Variants in NRCAM observed in about 807,000 individuals in gnomAD.
The protein encoded by NRCAM is neuronal cell adhesion molecule, also known as NgCAM-related cell adhesion molecule.
Under a neutral mutation model 156.5 loss-of-function variants are expected in NRCAM, and 83 were observed. The ratio of observed to expected loss-of-function variants is 0.53; its 90% CI spans 0.44 to 0.64. NRCAM has a LOEUF of 0.64. NRCAM is among the 30% of genes least tolerant of loss of function. The pLI is 0.00. For synonymous variants in NRCAM, 538 were observed against 563.9 expected (o/e 0.95, Z 0.65); for missense variants, 1,417 against 1,597.3 (o/e 0.89, Z 1.92).
At chr7:108,440,461 C>CT (rs1837299722) in intron 1 of NRCAM, among the ~76,000 whole-genome samples, 3 of 152,104 alleles carry the variant, frequency 2.0e-5, no homozygotes, top group African/African-American at 7.2e-5. Context: ...CAACCATACC[C>CT]TTTATAATTT....
At chr7:108,391,523 T>C (rs1197749436) in intron 2 of NRCAM, among the ~76,000 whole-genome samples, 1 of 152,094 alleles carries the variant, frequency 6.6e-6, no homozygotes, top group Non-Finnish European at 1.5e-5. Context: ...CTTGACTCTT[T>C]ATCCAATTTG....
intron 29 of NRCAM, among the ~76,000 whole-genome samples, chr7:108,167,469 T>TGA (rs2055300580): frequency 6.6e-6 from 1 of 152,224 alleles, no homozygotes; most frequent in African/African-American, 2.4e-5. Context: ...TTTTTATGAT[T>TGA]CACAAGATGA....
chr7:108,163,562 C>CA (rs978399069), intron 30 of NRCAM, among the ~76,000 whole-genome samples: 1 of 152,078 alleles, frequency 6.6e-6, no homozygotes, highest in Non-Finnish European at 1.5e-5. Flanking sequence ...AGACAACTGA[C>CA]AAAAAAGCTG....
chr7:108,239,011 T>C (rs1332404530), intron 4 of NRCAM, among the ~76,000 whole-genome samples: 1 of 152,152 alleles, frequency 6.6e-6, no homozygotes, highest in Non-Finnish European at 1.5e-5. Flanking sequence ...CCTTGCACCT[T>C]GGAAAGCTTG....
chr7:108,428,261 C>T (rs1009126268), intron 1 of NRCAM, among the ~76,000 whole-genome samples: 1 of 151,966 alleles, frequency 6.6e-6, no homozygotes, highest in Non-Finnish European at 1.5e-5. Context: ...CTTTATTTTT[C>T]GCTAAAAATA....
intron 2 of NRCAM, among the ~76,000 whole-genome samples, chr7:108,340,908 C>G (rs769661249): frequency 6.6e-6 from 1 of 152,028 alleles, no homozygotes; most frequent in African/African-American, 2.4e-5. Context: ...ACTTGGCAAC[C>G]TTGGTTTTTC....
chr7:108,187,515 TC>T (rs2067698077), intron 20 of NRCAM, among the ~76,000 whole-genome samples: 1 of 152,224 alleles, frequency 6.6e-6, no homozygotes, highest in South Asian at 2.1e-4. Context: ...TTCACACTAT[TC>T]ACAATTATAC....
chr7:108,448,598 T>G (rs550906053), intron 1 of NRCAM, among the ~76,000 whole-genome samples: 12 of 152,138 alleles, frequency 7.9e-5, no homozygotes, highest in Non-Finnish European at 1.2e-4. Context: ...TTTCACTTAT[T>G]ATAATACATT....
chr7:108,181,783 C>G (rs367802263), intron 24 of NRCAM, 39 bp downstream of exon 24: 1 of 1,411,680 alleles, frequency 7.1e-7, no homozygotes, highest in Non-Finnish European at 1.0e-6. Context: ...CGCTGCAGCC[C>G]TTACTAAATA....
chr7:108,424,676 G>A (rs1395307803), intron 1 of NRCAM, among the ~76,000 whole-genome samples: 1 of 152,120 alleles, frequency 6.6e-6, no homozygotes, highest in Non-Finnish European at 1.5e-5. Flanking sequence ...AGTCATTTCA[G>A]TGAAATTGAA....
chr7:108,171,125 G>C (rs1467713420), intron 28 of NRCAM, among the ~76,000 whole-genome samples: 2 of 152,096 alleles, frequency 1.3e-5, no homozygotes, highest in Non-Finnish European at 2.9e-5. Context: ...CTCACTCACA[G>C]AGCACCTATT....
intron 30 of NRCAM, among the ~76,000 whole-genome samples, chr7:108,164,178 G>A (rs2051832397): frequency 7.6e-6 from 1 of 132,146 alleles, no homozygotes; most frequent in South Asian, 2.6e-4. Flanking sequence ...GTGGGGTGGG[G>A]TAATGAGAGG....
At chr7:108,325,464 T>A (rs1023840065) in intron 2 of NRCAM, among the ~76,000 whole-genome samples, 1 of 152,128 alleles carries the variant, frequency 6.6e-6, no homozygotes, top group Non-Finnish European at 1.5e-5. Flanking sequence ...ATCTTGGAGT[T>A]CCAATCTGTT....
intron 3 of NRCAM, among the ~76,000 whole-genome samples, chr7:108,301,934 T>TG (rs2098629145): frequency 6.6e-6 from 1 of 152,122 alleles, no homozygotes; most frequent in Non-Finnish European, 1.5e-5. Context: ...TAGGGTTAAA[T>TG]GCCTTTCATC....
At chr7:108,323,156 G>A (rs750500712) in intron 2 of NRCAM, among the ~76,000 whole-genome samples, 13 of 152,152 alleles carry the variant, frequency 8.5e-5, no homozygotes, top group African/African-American at 1.7e-4. Context: ...TAATACAAGC[G>A]CCCTCTGACC....
intron 1 of NRCAM, among the ~76,000 whole-genome samples, chr7:108,423,814 G>C (rs924920795): frequency 6.6e-6 from 1 of 152,160 alleles, no homozygotes; most frequent in Admixed American, 6.5e-5. Flanking sequence ...GCAGGGCTAG[G>C]GCCCCCACCT....
At chr7:108,442,195 G>T (rs900098989) in intron 1 of NRCAM, among the ~76,000 whole-genome samples, 1 of 152,186 alleles carries the variant, frequency 6.6e-6, no homozygotes, top group Non-Finnish European at 1.5e-5. Flanking sequence ...TATGATCACA[G>T]GATGTGATGT....
chr7:108,435,044 A>AC (rs59651572), intron 1 of NRCAM, among the ~76,000 whole-genome samples: 1 of 151,616 alleles, frequency 6.6e-6, no homozygotes, highest in Non-Finnish European at 1.5e-5. Context: ...GAAAAAAAAA[A>AC]CTATCAATAG....
intron 5 of NRCAM, among the ~76,000 whole-genome samples, chr7:108,235,942 A>G (rs1333738602): frequency 6.6e-6 from 1 of 152,228 alleles, no homozygotes; most frequent in African/African-American, 2.4e-5. Context: ...TGCATCTGGG[A>G]AATTCCCCCA....
Sources: allele counts gnomAD v4.1 joint callset (sites outside exome capture counted in the v4.1 genomes callset), GRCh38; gene constraint gnomAD v4.1.1; transcripts MANE v1.5; gene names NCBI Gene and HGNC (gene_info 2026-07-23, HGNC 2026-07-21).